Variants in DMD observed in about 807,000 individuals in gnomAD.
The protein encoded by DMD is dystrophin.
A neutral mutation model predicts 330.1 loss-of-function variants in DMD; 63 were observed. The ratio of observed to expected loss-of-function variants is 0.19; its 90% CI spans 0.16 to 0.24. The LOEUF (loss-of-function observed/expected upper bound fraction) is 0.24, where lower values mean the gene tolerates loss of function less well. Among genes scored for constraint, DMD ranks in the 10% least tolerant of loss-of-function variants. The probability of loss-of-function intolerance (pLI) is 1.00; values close to 1 mark genes in which losing one functional copy is unlikely to be tolerated. For missense variants in DMD, 3,344 were observed against 2,684.1 expected, an observed-to-expected ratio of 1.25 and a Z score of -5.43; for synonymous variants, 1,223 against 959.8, an observed-to-expected ratio of 1.27 and a Z score of -5.07.
intron 7 of DMD, among the ~76,000 whole-genome samples, chrX:32,739,109 C>G (rs1251431580): frequency 8.9e-6 from 1 of 111,733 alleles, no homozygotes; most frequent in African/African-American, 3.2e-5. Context: ...TGTAACAGTC[C>G]TATGGTATGA....
At chrX:32,929,669 C>T (rs748187821) in intron 2 of DMD, among the ~76,000 whole-genome samples, 62 of 111,062 alleles carry the variant, frequency 5.6e-4, no homozygotes, top group Non-Finnish European at 4.2e-4. Flanking sequence ...CCCATCAACC[C>T]GTCATCTACA....
At chrX:32,981,344 A>G (rs2092703274) in intron 2 of DMD, among the ~76,000 whole-genome samples, 1 of 111,715 alleles carries the variant, frequency 9.0e-6, no homozygotes, top group African/African-American at 3.2e-5. Context: ...AGGCCATTCA[A>G]TCTTTTCCAA....
rs972949759 is a variant in DMD at position 33,131,690 on chromosome X, A to T, written c.31+79592T>A. ...ATGCATATCCTCAGGGTTCATCGGT[A>T]CGATAAGATATCCTCCAAGCTAAAA... is the stretch of plus-strand genomic sequence containing the variant. On this transcript the variant is annotated intron_variant, in intron 1 of 78. Transcript: ENST00000357033. Among the ~76,000 whole-genome samples the T allele has an allele frequency of 5.4e-5, 6 of 112,043 alleles. No homozygotes were observed. In the East Asian group the frequency reaches 1.7e-3, roughly 32 times the overall value.
intron 2 of DMD, among the ~76,000 whole-genome samples, chrX:32,990,793 G>C (rs924644031): frequency 1.8e-5 from 2 of 111,286 alleles, no homozygotes; most frequent in African/African-American, 6.5e-5. Context: ...GTTTGAAAGC[G>C]TACCAAAAAG....
chrX:32,026,491 T>C (rs999328), intron 44 of DMD, among the ~76,000 whole-genome samples: 38,993 of 111,317 alleles, frequency 0.35, 5,091 homozygotes, highest in East Asian at 0.65. Flanking sequence ...ATATCAGTGT[T>C]ACTAAACCCT....
chrX:31,527,684 G>A (rs1405085821), intron 55 of DMD, among the ~76,000 whole-genome samples: 2 of 111,318 alleles, frequency 1.8e-5, no homozygotes, highest in Non-Finnish European at 3.8e-5. Context: ...CCTGGCTGGA[G>A]AAGGGCAGTT....
intron 30 of DMD, among the ~76,000 whole-genome samples, chrX:32,402,894 A>C (rs1483536751): frequency 9.0e-6 from 1 of 111,542 alleles, no homozygotes; most frequent in Non-Finnish European, 1.9e-5. Context: ...GTGCTATCTA[A>C]TGAGTGGCAA....
At chrX:31,556,943 C>T (rs779462041) in intron 55 of DMD, among the ~76,000 whole-genome samples, 4 of 111,810 alleles carry the variant, frequency 3.6e-5, no homozygotes, top group African/African-American at 1.3e-4. Context: ...TTATTTACTG[C>T]CCATTTGTTT....
intron 56 of DMD, among the ~76,000 whole-genome samples, chrX:31,502,742 TA>T (rs1353216829): frequency 8.9e-6 from 1 of 111,869 alleles, no homozygotes; most frequent in Non-Finnish European, 1.9e-5. Flanking sequence ...AGTAGTAGAC[TA>T]AATTGAAATC....
intron 67 of DMD, among the ~76,000 whole-genome samples, chrX:31,193,805 C>T (rs995035033): frequency 9.0e-6 from 1 of 111,115 alleles, no homozygotes; most frequent in Admixed American, 9.6e-5. Context: ...AAAATGTTAA[C>T]ATTAATCTAA....
intron 44 of DMD, among the ~76,000 whole-genome samples, chrX:31,995,207 A>G (rs2095576797): frequency 8.9e-6 from 1 of 111,937 alleles, no homozygotes; most frequent in Non-Finnish European, 1.9e-5. Context: ...TCATTTACTG[A>G]AAAAGGGCAA....
chrX:32,342,861 G>C, intron 40 of DMD: 1 of 405,525 alleles, frequency 2.5e-6, no homozygotes, highest in South Asian at 2.6e-5. Flanking sequence ...CTGGAACAAA[G>C]ATACACAAAG....
chrX:32,738,836 G>T (rs1222675980), intron 7 of DMD, among the ~76,000 whole-genome samples: 1 of 111,665 alleles, frequency 9.0e-6, no homozygotes. Flanking sequence ...TCATAGAAAT[G>T]AATCTTTCAA....
intron 54 of DMD, among the ~76,000 whole-genome samples, chrX:31,630,506 C>T (rs1259441885): frequency 1.8e-5 from 2 of 110,738 alleles, no homozygotes; most frequent in Admixed American, 9.7e-5. Flanking sequence ...TGTGTGTGTA[C>T]GTTGAATCCC....
chrX:32,240,526 A>C (rs1247063440), intron 43 of DMD, among the ~76,000 whole-genome samples: 1 of 111,507 alleles, frequency 9.0e-6, no homozygotes, highest in Non-Finnish European at 1.9e-5. Flanking sequence ...TGTTGTTTAT[A>C]AGGCATCCAG....
At chrX:32,748,640 G>A (rs1569507285) in intron 7 of DMD, among the ~76,000 whole-genome samples, 1 of 111,788 alleles carries the variant, frequency 8.9e-6, no homozygotes, top group East Asian at 2.8e-4. Flanking sequence ...ATAAATGATG[G>A]TATTAGGTAA....
chrX:32,398,722 C>G (rs946198305), intron 30 of DMD, among the ~76,000 whole-genome samples: 4 of 111,500 alleles, frequency 3.6e-5, no homozygotes, highest in African/African-American at 1.3e-4. Context: ...ACATTCTTCA[C>G]AGAAATAGAA....
At chrX:31,551,097 T>C (rs1228131760) in intron 55 of DMD, among the ~76,000 whole-genome samples, 4 of 104,896 alleles carry the variant, frequency 3.8e-5, no homozygotes, top group Admixed American at 1.1e-4. Flanking sequence ...GGAGAATCAC[T>C]TGAACTCGGG....
At chrX:31,399,038 T>G (rs1202623811) in intron 60 of DMD, among the ~76,000 whole-genome samples, 1 of 111,263 alleles carries the variant, frequency 9.0e-6, no homozygotes, top group Non-Finnish European at 1.9e-5. Context: ...TACAGCGCCC[T>G]TTTAGCTTTG....
Sources: allele counts gnomAD v4.1 joint callset (sites outside exome capture counted in the v4.1 genomes callset), GRCh38; gene constraint gnomAD v4.1.1; transcripts MANE v1.5; gene names NCBI Gene and HGNC (gene_info 2026-07-23, HGNC 2026-07-21).